MKLN1: variants seen among roughly 807,000 people sequenced by gnomAD.
MKLN1 encodes the protein muskelin 1.
A neutral mutation model predicts 99.0 loss-of-function variants in MKLN1; 18 were observed. The observed-to-expected ratio is 0.18, with a 90% CI of 0.13 to 0.27. MKLN1 has a LOEUF of 0.27. MKLN1 is among the 10% of genes least tolerant of loss of function. The pLI is 1.00. For missense variants in MKLN1, 621 were observed against 875.9 expected (o/e 0.71, Z 3.67); for synonymous variants, 288 against 293.2 (o/e 0.98, Z 0.18).
chr7:131,315,762 T>C (rs887344076), intron 3 of MKLN1, among the ~76,000 whole-genome samples: 4 of 152,192 alleles, frequency 2.6e-5, no homozygotes, highest in Non-Finnish European at 5.9e-5. Context: ...TTTCCCCTGA[T>C]AGTGATAAGG....
intron 2 of MKLN1, among the ~76,000 whole-genome samples, chr7:131,173,539 T>C (rs554732062): frequency 2.0e-5 from 3 of 152,180 alleles, no homozygotes; most frequent in Non-Finnish European, 4.4e-5. Context: ...GCCAACTTAG[T>C]GAAACCCCAT....
Position 131,388,785 on chromosome 7 carries a change from A to G in MKLN1, c.312-99A>G. 3 of 701,400 alleles carry G rather than the reference A, an allele frequency of 4.3e-6. No individual in the cohort carries two copies. In the Admixed American group the frequency reaches 8.3e-5, roughly 19 times the overall value. The allele number at this position is 701,400 out of a possible 1,614,324, so 43.4% of individuals were successfully genotyped here. A position where few individuals can be genotyped will look rare whatever the true frequency, so the allele number is the denominator to read the frequency against. On this transcript the variant is annotated intron_variant, in intron 3 of 17. Coordinates refer to ENST00000352689, the MANE Select transcript of MKLN1 (RefSeq NM_013255.5). ...TTGTCTTGGTCATAATATTTTGAGC[A>G]TGAGTTTAAACTTAAAACCTGAGTG...
At chr7:131,376,132 A>ATATATATATATGTATT (rs1192654351) in intron 2 of MKLN1, among the ~76,000 whole-genome samples, 1 of 18,808 alleles carries the variant, frequency 5.3e-5, no homozygotes, top group Non-Finnish European at 1.9e-4. Context: ...ATATATATAT[A>ATATATATATATGTATT]TATGTATGAT....
At chr7:131,169,008 C>G (rs1039142334) in intron 2 of MKLN1, among the ~76,000 whole-genome samples, 1 of 152,092 alleles carries the variant, frequency 6.6e-6, no homozygotes, top group South Asian at 2.1e-4. Context: ...GCTGGGATTA[C>G]AGGCACCCAC....
At chr7:131,153,662 T>G (rs1037105118) in intron 2 of MKLN1, among the ~76,000 whole-genome samples, 1 of 54,760 alleles carries the variant, frequency 1.8e-5, no homozygotes, top group Non-Finnish European at 5.2e-5. Flanking sequence ...AGGTTTTTTT[T>G]GGTTTTTTTT....
intron 3 of MKLN1, among the ~76,000 whole-genome samples, chr7:131,265,185 G>A (rs1348938428): frequency 1.3e-5 from 2 of 151,924 alleles, no homozygotes; most frequent in Non-Finnish European, 2.9e-5. Flanking sequence ...GGTAAGGAGG[G>A]GGCAAAAGTA....
At chr7:131,299,013 T>C (rs1798336921) in intron 3 of MKLN1, among the ~76,000 whole-genome samples, 1 of 152,186 alleles carries the variant, frequency 6.6e-6, no homozygotes, top group South Asian at 2.1e-4. Context: ...ATTCTGTCTC[T>C]ATTGTTTATA....
chr7:131,127,636 T>C (rs1307360022), intron 1 of MKLN1, among the ~76,000 whole-genome samples: 2 of 152,198 alleles, frequency 1.3e-5, no homozygotes, highest in African/African-American at 4.8e-5. Flanking sequence ...GTGTCTAACA[T>C]GCAGTCAGAT....
intron 3 of MKLN1, among the ~76,000 whole-genome samples, chr7:131,280,960 C>T (rs1454647239): frequency 6.6e-6 from 1 of 152,194 alleles, no homozygotes; most frequent in Non-Finnish European, 1.5e-5. Context: ...TTGTCAGATA[C>T]ATGATTTGCA....
At chr7:131,281,081 C>G (rs986431799) in intron 3 of MKLN1, among the ~76,000 whole-genome samples, 3 of 151,904 alleles carry the variant, frequency 2.0e-5, no homozygotes, top group Non-Finnish European at 4.4e-5. Context: ...TCTTTTGTTA[C>G]TTCTGCTTTG....
Position 131,458,546 on chromosome 7 carries a change from A to G in MKLN1, c.1526-4671A>G, listed in dbSNP as rs182204920. On this transcript the variant is annotated intron_variant, in intron 12 of 17. Coordinates refer to ENST00000352689, the MANE Select transcript of MKLN1 (RefSeq NM_013255.5). Reference sequence around the variant, plus strand: ...GAAACTATTCTATATTATTAACACTAAAATGTCATATACAAGGCTCAAGAG... The same window carrying G: ...GAAACTATTCTATATTATTAACACTGAAATGTCATATACAAGGCTCAAGAG... Among the ~76,000 whole-genome samples the G allele has an allele frequency of 9.8e-5, 15 of 152,306 alleles. 1 individual carries two copies. The highest frequency in any genetic ancestry group is 3.4e-4 in the African/African-American group (14 of 41,568).
intron 1 of MKLN1, among the ~76,000 whole-genome samples, chr7:131,329,235 A>G (rs1270828051): frequency 6.6e-6 from 1 of 152,248 alleles, no homozygotes; most frequent in Non-Finnish European, 1.5e-5. Context: ...AACTGGAAGA[A>G]TCTGTCATGA....
At chr7:131,262,354 T>G (rs1329220887) in intron 3 of MKLN1, among the ~76,000 whole-genome samples, 2 of 151,738 alleles carry the variant, frequency 1.3e-5, no homozygotes, top group East Asian at 2.0e-4. Flanking sequence ...GGAGAATGGC[T>G]TGAACCCGGG....
chr7:131,238,372 C>T (rs572903007), intron 3 of MKLN1, among the ~76,000 whole-genome samples: 4 of 152,092 alleles, frequency 2.6e-5, no homozygotes, highest in Non-Finnish European at 4.4e-5. Context: ...TCATTCACCC[C>T]GAAACATTTA....
At chr7:131,250,873 T>G (rs957551755) in intron 3 of MKLN1, among the ~76,000 whole-genome samples, 1 of 152,144 alleles carries the variant, frequency 6.6e-6, no homozygotes, top group African/African-American at 2.4e-5. Context: ...TTGCTGCATA[T>G]CACTCCCAAG....
chr7:131,248,531 T>C (rs1435935641), intron 3 of MKLN1, among the ~76,000 whole-genome samples: 4 of 152,222 alleles, frequency 2.6e-5, no homozygotes, highest in Non-Finnish European at 4.4e-5. Flanking sequence ...ATTTAATGGA[T>C]CTTTTGCTTA....
At chr7:131,445,430 G>GTGC (rs1313381277) in intron 11 of MKLN1, among the ~76,000 whole-genome samples, 3 of 151,894 alleles carry the variant, frequency 2.0e-5, no homozygotes, top group Non-Finnish European at 2.9e-5. Flanking sequence ...TCTCGCTTGC[G>GTGC]TGCTCTCTCT....
chr7:131,311,751 T>G (rs1798567566), intron 3 of MKLN1, among the ~76,000 whole-genome samples: 1 of 152,006 alleles, frequency 6.6e-6, no homozygotes, highest in Non-Finnish European at 1.5e-5. Context: ...TACTCTTTGA[T>G]AGAGAGTAAA....
chr7:131,412,577 A>G (rs1457882079), intron 7 of MKLN1, among the ~76,000 whole-genome samples: 1 of 152,220 alleles, frequency 6.6e-6, no homozygotes, highest in African/African-American at 2.4e-5. Flanking sequence ...CCTAGAGGGC[A>G]TTTGCTTCTA....
Sources: allele counts gnomAD v4.1 joint callset (sites outside exome capture counted in the v4.1 genomes callset), GRCh38; gene constraint gnomAD v4.1.1; transcripts MANE v1.5; gene names NCBI Gene and HGNC (gene_info 2026-07-23, HGNC 2026-07-21).